PLK1: variants seen among roughly 807,000 people sequenced by gnomAD.
PLK1 encodes polo like kinase 1, also known as serine/threonine-protein kinase PLK1.
In PLK1, 6 loss-of-function variants were observed where a neutral mutation model predicts 56.7. That is an observed-to-expected ratio of 0.11 (90% CI 0.06 to 0.21). The LOEUF is 0.21. Ranked by LOEUF, PLK1 falls within the 10% of genes least tolerant of loss-of-function variation. PLK1 has a pLI of 1.00. For missense variants in PLK1, 546 were observed against 814.4 expected, an observed-to-expected ratio of 0.67 and a Z score of 4.01; for synonymous variants, 298 against 325.0, an observed-to-expected ratio of 0.92 and a Z score of 0.89.
intron 5 of PLK1, 133 bp downstream of exon 5, chr16:23,684,222 T>C: frequency 1.5e-6 from 1 of 670,182 alleles, no homozygotes; most frequent in Non-Finnish European, 2.6e-6. Flanking sequence ...CAATCCGTGG[T>C]TCCAATGCCC....
chr16:23,688,215 C>A (rs1384373718), intron 6 of PLK1, among the ~76,000 whole-genome samples: 3 of 152,208 alleles, frequency 2.0e-5, no homozygotes, highest in Admixed American at 2.0e-4. Context: ...TTCACAGTTT[C>A]TTAATTACTC....
In PLK1 at chr16:23,678,987, A is replaced by G. The variant is rs1453123013; in HGVS notation, c.55A>G (p.Lys19Glu). ...KLARAPADPGKAGVPGVAAPG... is the reference protein window; with the variant it reads ...KLARAPADPGEAGVPGVAAPG... ...GGCACGGGCACCGGCCGACCCTGGG[A>G]AAGCCGGGGTCCCCGGAGTTGCAGC... is the stretch of plus-strand genomic sequence containing the variant. The change falls in exon 1 of 10, where the codon AAA becomes GAA. Residue 19 changes from lysine to glutamate, a missense_variant. By Grantham distance (56) the Lys-to-Glu change is moderately conservative. This residue lies in a region of PLK1 where 72 missense variants were observed against 63.7 expected (regional missense o/e 1.13). Transcript: ENST00000300093. 3 of 1,599,150 alleles carry G rather than the reference A, an allele frequency of 1.9e-6. No individual in the cohort carries two copies. The highest frequency in any genetic ancestry group is 2.3e-5 in the East Asian group (1 of 44,430).
At chr16:23,683,397 A>G (rs1415693564) in intron 4 of PLK1, among the ~76,000 whole-genome samples, 1 of 152,172 alleles carries the variant, frequency 6.6e-6, no homozygotes, top group Non-Finnish European at 1.5e-5. Flanking sequence ...TCCTTGTGTG[A>G]AGCCAGGAGG....
rs760437116 is a variant in PLK1, at chr16:23,690,327, C to A, written c.*264C>A. 4.1e-5 allele frequency: 23 copies of A among 566,744 alleles called. No homozygotes were observed. Among genetic ancestry groups the A allele is most frequent in the Non-Finnish European group, 6.7e-5 (21 of 315,476 alleles). The allele number at this position is 566,744 out of a possible 1,614,324, so 35.1% of individuals were successfully genotyped here. ...TATTTCTATTGAATTCGGAACTGTC[C>A]TTTCCTTGGCTTTATGCACATTAAA... On this transcript the variant is annotated 3_prime_UTR_variant, in exon 10 of 10. Coordinates refer to ENST00000300093, the MANE Select transcript of PLK1 (RefSeq NM_005030.6).
intron 3 of PLK1, 138 bp from the exon 4 acceptor site, chr16:23,681,926 A>G (rs1237304608): frequency 6.4e-6 from 4 of 622,752 alleles, no homozygotes; most frequent in African/African-American, 5.5e-5. Context: ...CAGTGGACTT[A>G]GGGATTGTCT....
chr16:23,687,665 G>A (rs1384090591), intron 6 of PLK1, 41 bp downstream of exon 6: 3 of 1,460,406 alleles, frequency 2.1e-6, no homozygotes, highest in Admixed American at 2.1e-5. Context: ...GATTGCTTGG[G>A]GCATCTGGAA....
At chr16:23,680,274 G>A (rs768183942) in intron 2 of PLK1, 22 bp downstream of exon 2, 6 of 1,610,682 alleles carry the variant, frequency 3.7e-6, no homozygotes, top group Non-Finnish European at 5.1e-6. Flanking sequence ...AGCCTGCAGG[G>A]GTGCTTGACA....
At chr16:23,681,096 G>A (rs1959324529) in intron 3 of PLK1, 38 bp downstream of exon 3, 3 of 1,594,858 alleles carry the variant, frequency 1.9e-6, no homozygotes, top group Non-Finnish European at 2.6e-6. Flanking sequence ...CCTGGTCTCA[G>A]CAGGGGCAAC....
chr16:23,683,660 G>T (rs914220690), intron 4 of PLK1, among the ~76,000 whole-genome samples: 1 of 152,124 alleles, frequency 6.6e-6, no homozygotes, highest in Non-Finnish European at 1.5e-5. Flanking sequence ...GTTGGTGTTC[G>T]GCCACAGTCC....
intron 7 of PLK1, 127 bp downstream of exon 7, chr16:23,688,872 CT>C: frequency 1.4e-6 from 1 of 720,380 alleles, no homozygotes; most frequent in Non-Finnish European, 2.5e-6. Context: ...CATCCCAGGC[CT>C]CCCAGTTCCA....
Position 23,689,602 on chromosome 16 carries a change from C to T in PLK1, c.1534C>T (p.Arg512Trp), listed in dbSNP as rs757330190. 6.9e-5 allele frequency: 112 copies of T among 1,613,436 alleles called. No individual in the cohort carries two copies. Among genetic ancestry groups the T allele is most frequent in the African/African-American group, 9.3e-5 (7 of 75,068 alleles). The change falls in exon 9 of 10, where the codon CGG (arginine) becomes TGG (tryptophan). Residue 512 changes from arginine (R) to tryptophan (W), a missense_variant. Arg to Trp is a moderately radical substitution (Grantham distance 101). This residue lies in a region of PLK1 where 113 missense variants were observed against 202.0 expected (regional missense o/e 0.56). Transcript: ENST00000300093. This position sits in a 1 kb window ranked among gnomAD's most constrained non-coding sequence, Gnocchi z 4.8. ...GDELARLPYL[R>W]TWFRTRSAII... ...TGAGCTCGCCCGGCTGCCCTACCTA[C>T]GGACCTGGTTCCGCACCCGCAGCGC...
At chr16:23,684,250 G>A (rs1959389109) in intron 5 of PLK1, among the ~76,000 whole-genome samples, 161 bp downstream of exon 5, 1 of 152,166 alleles carries the variant, frequency 6.6e-6, no homozygotes, top group South Asian at 2.1e-4. Context: ...TCTCGGCCCT[G>A]CCAGGAAAGA....
intron 5 of PLK1, among the ~76,000 whole-genome samples, chr16:23,684,957 C>CTTTTTTTTTTTTTTTTTTT (rs71154221): frequency 1.8e-5 from 1 of 56,944 alleles, no homozygotes; most frequent in African/African-American, 6.8e-5. Context: ...CAGGCCCGGC[C>CTTTTTTTTTTTTTTTTTTT]TTTTTTTTTT....
chr16:23,690,117 G>T lies in PLK1; in HGVS notation c.*54G>T. On this transcript the variant is annotated 3_prime_UTR_variant, in exon 10 of 10. Coordinates refer to ENST00000300093, the MANE Select transcript of PLK1 (RefSeq NM_005030.6). ...CTCCTCACTCCCACCTGCATCTGGG[G>T]CCCATACTGGTTGGCTCCCGCGGTG... 1.4e-6 allele frequency: 2 copies of T among 1,426,566 alleles called. No homozygotes were observed. The highest frequency in any genetic ancestry group is 2.0e-6 in the Non-Finnish European group (2 of 1,024,580). 88.4% of individuals were successfully genotyped at this position (1,426,566 alleles called of 1,614,324 possible).
In PLK1 at chr16:23,687,703, G is replaced by T. The variant is rs1959451788; in HGVS notation, c.1192+79G>T. ...GGCAGGAGGAGGCTTGGCCAACAAA[G>T]CACTGGTGACTTGTTCAGGCCCTGT... On this transcript the variant is annotated intron_variant, in intron 6 of 9. Transcript: ENST00000300093. 1.4e-5 allele frequency: 15 copies of T among 1,098,216 alleles called. No homozygotes were observed. In the South Asian group the frequency reaches 2.5e-4, roughly 18 times the overall value. The allele number at this position is 1,098,216 out of a possible 1,614,324, so 68.0% of individuals were successfully genotyped here.
At chr16:23,687,648 GGGGCA>G (rs1567240227) in intron 6 of PLK1, 24 bp downstream of exon 6, 1 of 1,501,982 alleles carries the variant, frequency 6.7e-7, no homozygotes, top group Admixed American at 2.1e-5. Flanking sequence ...GGCCCTGGGC[GGGGCA>G]GGATTGCTTG....
intron 6 of PLK1, 56 bp from the exon 7 acceptor site, chr16:23,688,612 G>T (rs1221055855): frequency 1.5e-6 from 2 of 1,334,212 alleles, no homozygotes; most frequent in Non-Finnish European, 2.2e-6. Flanking sequence ...CATGTGTGGA[G>T]CAGAGGGGAA....
chr16:23,685,976 A>T (rs964861186), intron 5 of PLK1, among the ~76,000 whole-genome samples: 2 of 152,188 alleles, frequency 1.3e-5, no homozygotes, highest in Admixed American at 1.3e-4. Flanking sequence ...TGTCTGAAAT[A>T]GACTCATGGA....
rs996886402 is a variant in PLK1, at chr16:23,684,158, C to T, written c.1036+69C>T. 8.0e-6 allele frequency: 10 copies of T among 1,244,578 alleles called. No individual in the cohort carries two copies. In the South Asian group the frequency reaches 1.2e-4, roughly 15 times the overall value. The allele number at this position is 1,244,578 out of a possible 1,614,324, so 77.1% of individuals were successfully genotyped here. A position where few individuals can be genotyped will look rare whatever the true frequency, so the allele number is the denominator to read the frequency against. On this transcript the variant is annotated intron_variant, in intron 5 of 9. Coordinates refer to ENST00000300093, the MANE Select transcript of PLK1 (RefSeq NM_005030.6). ...GCCCAGGTTGTAGGGGTGTGTGCAG[C>T]TTAGTCCCTGGCCCTGAGAGCTCAG...
Sources: allele counts gnomAD v4.1 joint callset (sites outside exome capture counted in the v4.1 genomes callset), GRCh38; gene constraint gnomAD v4.1.1; regional missense constraint gnomAD v4.1.1; non-coding constraint Gnocchi (gnomAD v3.1); transcripts MANE v1.5; gene names NCBI Gene and HGNC (gene_info 2026-07-23, HGNC 2026-07-21).